The following RGS17 variants were observed in gnomAD, a reference collection of about 807,000 sequenced individuals.
RGS17 encodes regulator of G-protein signaling 17.
In RGS17, 12 loss-of-function variants were observed where a neutral mutation model predicts 25.5. That is an observed-to-expected ratio of 0.47 (90% CI 0.30 to 0.76). The LOEUF (loss-of-function observed/expected upper bound fraction) is 0.76, where lower values mean the gene tolerates loss of function less well. RGS17 is among the 30% of genes least tolerant of loss of function. The probability of loss-of-function intolerance (pLI) is 0.07; values close to 1 mark genes in which losing one functional copy is unlikely to be tolerated. For missense variants in RGS17, 196 were observed against 242.2 expected (o/e 0.81, Z 1.27); for synonymous variants, 71 against 76.9 (o/e 0.92, Z 0.40).
chr6:153,047,685 A>G (rs115572166), intron 1 of RGS17, among the ~76,000 whole-genome samples: 3 of 152,296 alleles, frequency 2.0e-5, no homozygotes, highest in Admixed American at 6.5e-5. Flanking sequence ...CAGAATGACA[A>G]TCTTCTACAA....
At chr6:153,019,682 C>T (rs1779220176) in intron 4 of RGS17, among the ~76,000 whole-genome samples, 1 of 152,130 alleles carries the variant, frequency 6.6e-6, no homozygotes, top group Admixed American at 6.5e-5. Flanking sequence ...TACTTGATCT[C>T]CCTTCATCTT....
At chr6:153,090,498 A>C (rs1156686458) in intron 1 of RGS17, among the ~76,000 whole-genome samples, 1 of 150,978 alleles carries the variant, frequency 6.6e-6, no homozygotes, top group Non-Finnish European at 1.5e-5. Context: ...ACACCCCTGT[A>C]GTTCCAGCTA....
At chr6:153,101,248 C>A (rs186644357) in intron 1 of RGS17, among the ~76,000 whole-genome samples, 1 of 152,170 alleles carries the variant, frequency 6.6e-6, no homozygotes, top group Non-Finnish European at 1.5e-5. Context: ...CACTTATACA[C>A]AGTTTTATTT....
At chr6:153,065,157 A>T (rs192036042) in intron 1 of RGS17, among the ~76,000 whole-genome samples, 53 of 152,314 alleles carry the variant, frequency 3.5e-4, no homozygotes, top group African/African-American at 1.2e-3. Flanking sequence ...AGCTACACTT[A>T]TATCAGTCAA....
chr6:153,076,141 T>C (rs745483731), intron 1 of RGS17, among the ~76,000 whole-genome samples: 36 of 152,298 alleles, frequency 2.4e-4, no homozygotes, highest in Non-Finnish European at 4.3e-4. Context: ...AGAATCCATT[T>C]AGGCAAATTT....
chr6:153,081,718 A>G (rs558536731), intron 1 of RGS17, among the ~76,000 whole-genome samples: 1 of 152,020 alleles, frequency 6.6e-6, no homozygotes, highest in South Asian at 2.1e-4. Context: ...GTATTTTTAC[A>G]TGTTATTAAT....
intron 2 of RGS17, among the ~76,000 whole-genome samples, chr6:153,027,779 T>C (rs1431426518): frequency 6.6e-6 from 1 of 152,186 alleles, no homozygotes; most frequent in Admixed American, 6.5e-5. Context: ...GAGTGCCTGC[T>C]ATGAACCATG....
chr6:153,043,767 A>G (rs769945605), intron 2 of RGS17, 133 bp downstream of exon 2: 7 of 587,860 alleles, frequency 1.2e-5, no homozygotes, highest in Admixed American at 9.2e-5. Context: ...ATAGTCTTCA[A>G]TAAGTCCTAC....
chr6:153,004,994 C>T lies in RGS17; in HGVS notation c.*6580G>A, dbSNP rs199810222. On this transcript the variant is annotated 3_prime_UTR_variant, in exon 5 of 5. Coordinates refer to ENST00000206262, the MANE Select transcript of RGS17 (RefSeq NM_012419.5). ...ATATGTAATTTTACAAAACCAAACACATTGAATTCTTTTTAATATTTAGCA... is the reference window on the plus strand; with the variant it reads ...ATATGTAATTTTACAAAACCAAACATATTGAATTCTTTTTAATATTTAGCA... The T allele has an allele frequency of 6.6e-6, 1 of 151,448 alleles. No homozygotes were observed. The highest frequency in any genetic ancestry group is 6.8e-5 in the Admixed American group (1 of 14,764). The allele number at this position is 151,448 out of a possible 1,614,324, so 9.4% of individuals were successfully genotyped here.
intron 1 of RGS17, among the ~76,000 whole-genome samples, chr6:153,062,102 C>G (rs1776647830): frequency 6.7e-6 from 1 of 150,310 alleles, no homozygotes; most frequent in African/African-American, 2.4e-5. Flanking sequence ...TCCCGCCCAC[C>G]CCACCCTTCA....
chr6:153,044,211 A>C (rs1010734107), intron 1 of RGS17, among the ~76,000 whole-genome samples, 168 bp from the exon 2 acceptor site: 2 of 152,240 alleles, frequency 1.3e-5, no homozygotes, highest in Non-Finnish European at 2.9e-5. Context: ...ACTTTTTAGA[A>C]GGATATACTA....
chr6:153,024,318 C>T lies in RGS17; in HGVS notation c.388G>A (p.Glu130Lys). 1 of 1,613,930 alleles carries T rather than the reference C, an allele frequency of 6.2e-7. No individual in the cohort carries two copies. Among genetic ancestry groups the T allele is most frequent in the Non-Finnish European group, 8.5e-7 (1 of 1,179,858 alleles). The stretch of plus-strand genomic sequence containing the variant: ...TCATATATCATCCTAGCCTTTTCTT[C>T]AATTACTTTTTTGTTCTGCTCCTTC... ...LKKEQNKKVI[E>K]EKARMIYEDY... is the part of the protein sequence containing the mutation. The change falls in exon 4 of 5, where the codon GAA becomes AAA. Residue 130 changes from glutamate to lysine, a missense_variant. Physicochemically the swap from Glu to Lys is moderately conservative, Grantham distance 56. This residue lies in a region of RGS17 where 179 missense variants were observed against 197.6 expected (regional missense o/e 0.91). Transcript: ENST00000206262.
In RGS17 at chr6:153,086,317, T is replaced by G. The variant is rs141059282; in HGVS notation, c.-25-42274A>C. ...TCATAGGCTATCTGAAAGTTCATTC[T>G]AAGTATGAAAAAAATTACTATTGTA... On this transcript the variant is annotated intron_variant, in intron 1 of 4. Coordinates refer to ENST00000206262, the MANE Select transcript of RGS17 (RefSeq NM_012419.5). Among the ~76,000 whole-genome samples the G allele has an allele frequency of 3.5e-3, 531 of 152,336 alleles. 3 individuals carry two copies. The highest frequency in any genetic ancestry group is 0.012 in the African/African-American group (511 of 41,586).
chr6:153,097,290 A>ATTTTTTTTTTTTTTTTTT (rs3083488), intron 1 of RGS17, among the ~76,000 whole-genome samples: 1 of 88,302 alleles, frequency 1.1e-5, no homozygotes. Flanking sequence ...CGTTTTTTTG[A>ATTTTTTTTTTTTTTTTTT]TTTTTTTTTT....
rs76566557 is a variant in RGS17, at chr6:153,097,092, A to C, written c.-26+34032T>G. Among the ~76,000 whole-genome samples, 94 of 152,300 alleles carry C rather than the reference A, an allele frequency of 6.2e-4. 1 individual carries two copies. In the East Asian group the frequency reaches 0.014, roughly 23 times the overall value. ...TCCTTAATCATGGAAAAAGTAAACT[A>C]GTCAGCTATTCTTTGTGGCTTTTAA... On this transcript the variant is annotated intron_variant, in intron 1 of 4. Coordinates refer to ENST00000206262, the MANE Select transcript of RGS17 (RefSeq NM_012419.5).
At chr6:153,053,953 CATATATATT>C (rs749972436) in intron 1 of RGS17, among the ~76,000 whole-genome samples, 10 of 52,044 alleles carry the variant, frequency 1.9e-4, no homozygotes, top group Middle Eastern at 0.011. Flanking sequence ...AATATATATA[CATATATATT>C]ATATACATAT....
At chr6:153,024,612 G>A (rs771125280) in intron 3 of RGS17, 116 bp from the exon 4 acceptor site, 2 of 739,814 alleles carry the variant, frequency 2.7e-6, no homozygotes, top group Non-Finnish European at 4.5e-6. Context: ...CTAGTGGTCA[G>A]TATTTTGCCA....
At chr6:153,090,687 T>C (rs1456447555) in intron 1 of RGS17, among the ~76,000 whole-genome samples, 1 of 152,132 alleles carries the variant, frequency 6.6e-6, no homozygotes, top group African/African-American at 2.4e-5. Context: ...TTGTGCACTG[T>C]TCTGAGCAGC....
At chr6:153,036,970 C>A (rs1584128036) in intron 2 of RGS17, among the ~76,000 whole-genome samples, 2 of 152,216 alleles carry the variant, frequency 1.3e-5, no homozygotes, top group African/African-American at 2.4e-5. Context: ...TTACTTAAAA[C>A]CCTTCAATTG....
Sources: gnomAD v4.1 joint callset for allele counts (sites outside exome capture counted in the v4.1 genomes callset) on GRCh38, gnomAD v4.1.1 for gene constraint, gnomAD v4.1.1 regional missense constraint, MANE v1.5 for transcripts, NCBI Gene and HGNC (gene_info 2026-07-23, HGNC 2026-07-21) for gene names.